ARHGAP18: variants seen among roughly 807,000 people sequenced by gnomAD.
ARHGAP18 encodes the protein rho GTPase-activating protein 18.
In ARHGAP18, 67 loss-of-function variants were observed where a neutral mutation model predicts 86.2. The observed-to-expected ratio is 0.78, with a 90% confidence interval of 0.64 to 0.95. The LOEUF is 0.95. ARHGAP18 is among the 40% of genes least tolerant of loss of function. ARHGAP18 has a pLI of 0.00. For synonymous variants in ARHGAP18, 283 were observed against 280.4 expected (o/e 1.01, Z -0.09); for missense variants, 691 against 780.4 (o/e 0.89, Z 1.37).
chr6:129,612,261 G>A (rs972951438), intron 7 of ARHGAP18, among the ~76,000 whole-genome samples: 1 of 152,190 alleles, frequency 6.6e-6, no homozygotes, highest in African/African-American at 2.4e-5. Flanking sequence ...TGGAGGCTAA[G>A]AAGACAATAA....
chr6:129,601,286 C>CAAT (rs1196612873), intron 10 of ARHGAP18, among the ~76,000 whole-genome samples: 1 of 152,194 alleles, frequency 6.6e-6, no homozygotes. Context: ...TTAAGGCAAT[C>CAAT]AATATCTGGC....
rs1394060740 is a variant in ARHGAP18, at chr6:129,687,270, T to G, written c.113+22754A>C. ...TCACGGGTCTCAGAGAAGTTGTAAG[T>G]TACCAGTTTCCAACATTCCAAATTA... On this transcript the variant is annotated intron_variant, in intron 1 of 14. Coordinates refer to ENST00000368149, the MANE Select transcript of ARHGAP18 (RefSeq NM_033515.3). 3.9e-5 allele frequency among the ~76,000 whole-genome samples: 6 copies of G among 152,242 alleles called. No homozygotes were observed. In the East Asian group the frequency reaches 9.7e-4, roughly 24 times the overall value.
chr6:129,600,206 C>T (rs1312602486), intron 11 of ARHGAP18, among the ~76,000 whole-genome samples: 2 of 152,218 alleles, frequency 1.3e-5, no homozygotes, highest in African/African-American at 4.8e-5. Flanking sequence ...ACCTAATCAA[C>T]GAAGCCTCTC....
intron 1 of ARHGAP18, among the ~76,000 whole-genome samples, chr6:129,656,183 A>C (rs1372034891): frequency 6.6e-6 from 1 of 152,232 alleles, no homozygotes; most frequent in African/African-American, 2.4e-5. Flanking sequence ...TTTACCACTG[A>C]TCTCTGAATC....
intron 1 of ARHGAP18, among the ~76,000 whole-genome samples, chr6:129,699,396 A>G (rs906039716): frequency 3.3e-5 from 5 of 152,228 alleles, no homozygotes; most frequent in Admixed American, 6.5e-5. Flanking sequence ...GCAGAAAAAA[A>G]TCAGAACTTT....
intron 4 of ARHGAP18, among the ~76,000 whole-genome samples, 154 bp from the exon 5 acceptor site, chr6:129,629,676 G>T (rs1050597586): frequency 2.6e-5 from 4 of 152,144 alleles, no homozygotes; most frequent in Admixed American, 2.0e-4. Context: ...GTATACTCAA[G>T]AATCCTATCA....
intron 1 of ARHGAP18, among the ~76,000 whole-genome samples, chr6:129,653,492 A>T (rs1773759634): frequency 6.6e-6 from 1 of 152,218 alleles, no homozygotes. Flanking sequence ...AGTCAGCTCT[A>T]CTAGGGGGAC....
At chr6:129,631,737 C>A (rs1584070694) in intron 4 of ARHGAP18, among the ~76,000 whole-genome samples, 1 of 148,330 alleles carries the variant, frequency 6.7e-6, no homozygotes, top group East Asian at 1.9e-4. Context: ...AACCACCTGA[C>A]TTTAAGATTC....
In ARHGAP18 at chr6:129,616,228, G is replaced by A; in HGVS notation, c.1028C>T (p.Pro343Leu). The change falls in exon 7 of 15, where the codon CCC becomes CTC. Residue 343 changes from proline to leucine, a missense_variant. Pro to Leu is a moderately conservative substitution (Grantham distance 98, BLOSUM62 -3). Transcript: ENST00000368149. Reference protein sequence around the residue: ...DQRKVPGMRIPLIFQKLISRI... With the variant: ...DQRKVPGMRILLIFQKLISRI... Reference sequence around the variant, plus strand: ...CCTACCTACTTTTTGAAAGATCAAGGGTATTCGCATTCCTGGTACTTTCCT... The same window carrying A: ...CCTACCTACTTTTTGAAAGATCAAGAGTATTCGCATTCCTGGTACTTTCCT... 1 of 1,610,992 alleles carries A rather than the reference G, an allele frequency of 6.2e-7. No individual in the cohort carries two copies. Among genetic ancestry groups the A allele is most frequent in the Non-Finnish European group, 8.5e-7 (1 of 1,178,328 alleles).
chr6:129,580,213 G>C, intron 13 of ARHGAP18, 82 bp from the exon 14 acceptor site: 1 of 1,232,588 alleles, frequency 8.1e-7, no homozygotes, highest in Non-Finnish European at 1.2e-6. Context: ...GGGGAATTCT[G>C]GCTGGTATGG....
chr6:129,625,684 T>TA (rs1418161854), intron 5 of ARHGAP18, among the ~76,000 whole-genome samples: 1 of 69,364 alleles, frequency 1.4e-5, no homozygotes, highest in African/African-American at 5.5e-5. Context: ...ATTATATATA[T>TA]TTATATATTA....
chr6:129,672,977 A>C (rs1250165439), intron 1 of ARHGAP18, among the ~76,000 whole-genome samples: 1 of 152,230 alleles, frequency 6.6e-6, no homozygotes, highest in Non-Finnish European at 1.5e-5. Flanking sequence ...AGAAGGGAGC[A>C]AGCAGTCTCC....
At chr6:129,629,247 CTA>C (rs35265089) in intron 5 of ARHGAP18, 104 bp downstream of exon 5, 149,182 of 622,990 alleles carry the variant, frequency 0.24, 12,754 homozygotes, top group Middle Eastern at 0.29. Context: ...CTCTCTCTCT[CTA>C]TATATATATA....
At chr6:129,648,557 A>G (rs1035469006) in intron 1 of ARHGAP18, among the ~76,000 whole-genome samples, 3 of 151,800 alleles carry the variant, frequency 2.0e-5, no homozygotes, top group African/African-American at 7.2e-5. Context: ...AGAGTGCTTG[A>G]GCCCAGAAGT....
At position 129,626,706 on chromosome 6, in the gene ARHGAP18, T is replaced by C. The variant is rs556775040; in HGVS notation, c.786+2647A>G. On this transcript the variant is annotated intron_variant, in intron 5 of 14. Transcript: ENST00000368149. ...ACACACACACACACACACAGACAAA[T>C]AGAAAAAAAAAGAAAAACAAGTTTA... Among the ~76,000 whole-genome samples, 1,040 of 146,914 alleles carry C rather than the reference T, an allele frequency of 7.1e-3. 17 individuals are homozygous for C. The highest frequency in any genetic ancestry group is 0.025 in the African/African-American group (998 of 39,874).
In ARHGAP18 at chr6:129,692,010, C is replaced by T. The variant is rs112504782; in HGVS notation, c.113+18014G>A. Among the ~76,000 whole-genome samples the T allele has an allele frequency of 9.0e-3, 1,370 of 152,354 alleles. 21 individuals are homozygous for T. Among genetic ancestry groups the T allele is most frequent in the African/African-American group, 0.032 (1,316 of 41,572 alleles). On this transcript the variant is annotated intron_variant, in intron 1 of 14. Transcript: ENST00000368149. ...GCCTGGGGCTTCCTCAGCACTGACA[C>T]AGCCAGCACCTCTGCAAAGTGACAG...
At position 129,599,399 on chromosome 6, in the gene ARHGAP18, C is replaced by T. The variant is rs6934315; in HGVS notation, c.1573-43G>A. 2.7e-3 allele frequency: 3,827 copies of T among 1,394,668 alleles called. 81 individuals carry two copies. The African/African-American group carries it at 0.05, about 18-fold the overall frequency. The allele number at this position is 1,394,668 out of a possible 1,614,324, so 86.4% of individuals were successfully genotyped here. On this transcript the variant is annotated intron_variant, in intron 11 of 14. Coordinates refer to ENST00000368149, the MANE Select transcript of ARHGAP18 (RefSeq NM_033515.3). The stretch of plus-strand genomic sequence containing the variant: ...TAAGCTTAGAGAGGAAAAAGAAATG[C>T]CACCATTTTAAACTACAAAAAAAAA...
At chr6:129,662,707 A>G (rs1487955507) in intron 1 of ARHGAP18, among the ~76,000 whole-genome samples, 1 of 152,236 alleles carries the variant, frequency 6.6e-6, no homozygotes, top group Non-Finnish European at 1.5e-5. Context: ...TCACATTGAT[A>G]CAAGATTCAC....
At chr6:129,655,317 C>CAAAAAAAAAAAAAAA (rs55681217) in intron 1 of ARHGAP18, among the ~76,000 whole-genome samples, 45 of 75,028 alleles carry the variant, frequency 6.0e-4, no homozygotes, top group Non-Finnish European at 7.9e-4. Context: ...AAAACTCTCT[C>CAAAAAAAAAAAAAAA]AAAAAAAAAA....
Sources: gnomAD v4.1 joint callset for allele counts (sites outside exome capture counted in the v4.1 genomes callset) on GRCh38, gnomAD v4.1.1 for gene constraint, MANE v1.5 for transcripts, NCBI Gene and HGNC (gene_info 2026-07-23, HGNC 2026-07-21) for gene names.